DMD: variants seen among roughly 807,000 people sequenced by gnomAD.
DMD encodes mutant dystrophin.
A neutral mutation model predicts 330.1 loss-of-function variants in DMD; 63 were observed. That is an observed-to-expected ratio of 0.19 (90% CI 0.16 to 0.24). The LOEUF (loss-of-function observed/expected upper bound fraction) is 0.24, where lower values mean the gene tolerates loss of function less well. Among genes scored for constraint, DMD ranks in the 10% least tolerant of loss-of-function variants. The pLI is 1.00. For missense variants in DMD, 3,344 were observed against 2,684.1 expected, an observed-to-expected ratio of 1.25 and a Z score of -5.43; for synonymous variants, 1,223 against 959.8, an observed-to-expected ratio of 1.27 and a Z score of -5.07.
chrX:32,701,089 T>A (rs188406125), intron 7 of DMD, among the ~76,000 whole-genome samples: 11 of 112,268 alleles, frequency 9.8e-5, no homozygotes, highest in Admixed American at 8.5e-4. Flanking sequence ...CACCTGGGGA[T>A]CTTTTAAAAC....
intron 1 of DMD, among the ~76,000 whole-genome samples, chrX:33,097,316 C>T: frequency 9.1e-6 from 1 of 110,153 alleles, no homozygotes; most frequent in Non-Finnish European, 1.9e-5. Flanking sequence ...TATAACCAAT[C>T]CCTGATTTAA....
At position 33,039,866 on chromosome X, in the gene DMD, A is replaced by C. The variant is rs1287152543; in HGVS notation, c.32-19666T>G. Among the ~76,000 whole-genome samples the C allele has an allele frequency of 2.7e-5, 3 of 110,773 alleles. No individual in the cohort carries two copies. In the East Asian group the frequency reaches 8.6e-4, roughly 32 times the overall value. On this transcript the variant is annotated intron_variant, in intron 1 of 78. Transcript: ENST00000357033. ...CCAATGAGAAAAAGCAGGGTGATCT[A>C]TAAAAACGTATTATTTTTTGAGCCA...
At chrX:32,832,642 T>TA in intron 4 of DMD, among the ~76,000 whole-genome samples, 1 of 111,740 alleles carries the variant, frequency 8.9e-6, no homozygotes, top group East Asian at 2.8e-4. Context: ...TTTAAAAAGA[T>TA]AAAAAATACA....
intron 55 of DMD, among the ~76,000 whole-genome samples, chrX:31,559,972 T>C (rs2075104145): frequency 8.9e-6 from 1 of 112,226 alleles, no homozygotes; most frequent in South Asian, 3.7e-4. Context: ...GACTTTCTCC[T>C]TGCTCAGGTT....
intron 45 of DMD, among the ~76,000 whole-genome samples, chrX:31,944,060 A>T (rs765112471): frequency 8.9e-6 from 1 of 112,299 alleles, no homozygotes; most frequent in East Asian, 2.8e-4. Context: ...TCTTTAAAAG[A>T]ATATAGCCAC....
intron 52 of DMD, among the ~76,000 whole-genome samples, chrX:31,716,323 G>A (rs1399697266): frequency 8.9e-6 from 1 of 112,135 alleles, no homozygotes; most frequent in Non-Finnish European, 1.9e-5. Flanking sequence ...AGGCCGAGGC[G>A]GGTGGATCAC....
chrX:32,692,509 G>T (rs756312371), intron 9 of DMD, among the ~76,000 whole-genome samples: 2 of 111,702 alleles, frequency 1.8e-5, no homozygotes, highest in Non-Finnish European at 3.8e-5. Context: ...CAAAGGCAGA[G>T]ATAGAGTGAA....
At chrX:32,788,350 C>A (rs778772847) in intron 7 of DMD, among the ~76,000 whole-genome samples, 3 of 111,469 alleles carry the variant, frequency 2.7e-5, no homozygotes, top group East Asian at 2.8e-4. Context: ...GCTGCAATTT[C>A]TTCATGTCAA....
chrX:32,495,442 T>C (rs944529249), intron 19 of DMD, among the ~76,000 whole-genome samples: 1 of 111,908 alleles, frequency 8.9e-6, no homozygotes, highest in Non-Finnish European at 1.9e-5. Context: ...TTGTATCAAA[T>C]TTGCTTTAAA....
intron 30 of DMD, among the ~76,000 whole-genome samples, chrX:32,406,677 G>GCATCGATGTT (rs200228451): frequency 0.013 from 1,464 of 110,720 alleles, 28 homozygotes; most frequent in African/African-American, 0.044. Context: ...GAGGATTTTT[G>GCATCGATGTT]CATCGATGTT....
chrX:32,288,719 C>T (rs151202016), intron 42 of DMD, among the ~76,000 whole-genome samples: 1,867 of 112,022 alleles, frequency 0.017, 41 homozygotes, highest in African/African-American at 0.057. Context: ...TACAAATAAT[C>T]AGGCCAAGTA....
intron 53 of DMD, among the ~76,000 whole-genome samples, chrX:31,664,861 T>C (rs2081342152): frequency 2.7e-5 from 3 of 110,160 alleles, no homozygotes; most frequent in African/African-American, 9.9e-5. Context: ...AGAACCTCAT[T>C]TCTCCTCTGT....
intron 1 of DMD, among the ~76,000 whole-genome samples, chrX:33,035,646 G>A (rs1364064701): frequency 9.0e-6 from 1 of 111,516 alleles, no homozygotes. Context: ...TGCCTTAATC[G>A]GACACATATT....
rs1004557739 is a variant in DMD at position 31,804,567 on chromosome X, A to G, written c.7309+15408T>C. 5.4e-5 allele frequency among the ~76,000 whole-genome samples: 6 copies of G among 111,768 alleles called. No individual in the cohort carries two copies. The East Asian group carries it at 1.4e-3, about 26-fold the overall frequency. On this transcript the variant is annotated intron_variant, in intron 50 of 78. Transcript: ENST00000357033. Reference sequence around the variant, plus strand: ...TTCAGTGGCTTTCAATTACCCTTCAAATAAAATGTGTTTGATTTCTCTAAC... The same window carrying G: ...TTCAGTGGCTTTCAATTACCCTTCAGATAAAATGTGTTTGATTTCTCTAAC...
chrX:31,125,512 TAAG>T (rs1372945558), intron 78 of DMD, among the ~76,000 whole-genome samples: 4 of 112,171 alleles, frequency 3.6e-5, no homozygotes, highest in Non-Finnish European at 7.5e-5. Context: ...TCTTCTCATT[TAAG>T]AAGGACTCTC....
Position 32,856,750 on chromosome X carries a change from G to C in DMD, c.94-6930C>G, listed in dbSNP as rs558212665. Among the ~76,000 whole-genome samples the C allele has an allele frequency of 2.3e-3, 252 of 111,739 alleles. 2 individuals are homozygous for C. The highest frequency in any genetic ancestry group is 7.9e-3 in the African/African-American group (244 of 30,811). Reference sequence around the variant, plus strand: ...GAGTAAGATCTATTTGGCAACACAAGAGGGTGATTACAGTCAACAATTTAC... The same window carrying C: ...GAGTAAGATCTATTTGGCAACACAACAGGGTGATTACAGTCAACAATTTAC... On this transcript the variant is annotated intron_variant, in intron 2 of 78. Coordinates refer to ENST00000357033, the MANE Select transcript of DMD (RefSeq NM_004006.3).
intron 18 of DMD, among the ~76,000 whole-genome samples, chrX:32,515,812 C>T (rs2045802997): frequency 9.0e-6 from 1 of 111,631 alleles, no homozygotes; most frequent in Non-Finnish European, 1.9e-5. Flanking sequence ...GACAAGCTCC[C>T]AGATAATGTC....
At chrX:33,233,687 T>G (rs2148883829) in intron 1 of DMD, among the ~76,000 whole-genome samples, 1 of 111,601 alleles carries the variant, frequency 9.0e-6, no homozygotes, top group African/African-American at 3.3e-5. Context: ...TTATTAAAGG[T>G]CAACAGGAGA....
intron 52 of DMD, among the ~76,000 whole-genome samples, chrX:31,710,634 T>A (rs1462439562): frequency 8.9e-6 from 1 of 111,815 alleles, no homozygotes; most frequent in Non-Finnish European, 1.9e-5. Flanking sequence ...ATTATTGATT[T>A]TCCTGCCAGT....
Sources: allele counts gnomAD v4.1 joint callset (sites outside exome capture counted in the v4.1 genomes callset), GRCh38; gene constraint gnomAD v4.1.1; transcripts MANE v1.5; gene names NCBI Gene and HGNC (gene_info 2026-07-23, HGNC 2026-07-21).